Variants in PDIA5 observed in about 807,000 individuals in gnomAD.
The protein encoded by PDIA5 is protein disulfide-isomerase A5.
PDIA5 carries 58 observed loss-of-function variants against 77.6 expected under a neutral mutation model. The ratio of observed to expected loss-of-function variants is 0.75; its 90% confidence interval spans 0.61 to 0.93. The LOEUF is 0.93. Ranked by LOEUF, PDIA5 falls within the 40% of genes least tolerant of loss-of-function variation. The pLI is 0.00. For synonymous variants in PDIA5, 250 were observed against 252.1 expected (o/e 0.99, Z 0.08); for missense variants, 630 against 647.7 (o/e 0.97, Z 0.30).
intron 3 of PDIA5, among the ~76,000 whole-genome samples, chr3:123,098,053 A>G (rs1177632737): frequency 1.3e-5 from 2 of 151,872 alleles, no homozygotes; most frequent in African/African-American, 4.8e-5. Flanking sequence ...AGGGGTTTGG[A>G]GGTTTTTTTG....
intron 11 of PDIA5, among the ~76,000 whole-genome samples, chr3:123,135,559 T>C (rs187100369): frequency 6.6e-6 from 1 of 152,332 alleles, no homozygotes; most frequent in Admixed American, 6.5e-5. Flanking sequence ...CCGGGCTGTT[T>C]CTGGCAGCAG....
intron 1 of PDIA5, among the ~76,000 whole-genome samples, chr3:123,074,983 C>A (rs1406501766): frequency 6.6e-6 from 1 of 152,088 alleles, no homozygotes; most frequent in East Asian, 1.9e-4. Flanking sequence ...TTTTATGGGC[C>A]ATACTTTGTA....
intron 10 of PDIA5, among the ~76,000 whole-genome samples, chr3:123,126,751 C>A (rs1457660236): frequency 2.0e-5 from 3 of 152,204 alleles, no homozygotes; most frequent in Non-Finnish European, 4.4e-5. Context: ...GTGAAGCCAG[C>A]CTAGCTAATT....
chr3:123,069,407 A>C (rs1365990655), intron 1 of PDIA5, among the ~76,000 whole-genome samples: 1 of 152,224 alleles, frequency 6.6e-6, no homozygotes, highest in African/African-American at 2.4e-5. Flanking sequence ...GGCATGGTTA[A>C]ATAATATCTG....
At chr3:123,145,959 A>G in intron 12 of PDIA5, 140 bp from the exon 13 acceptor site, 1 of 707,504 alleles carries the variant, frequency 1.4e-6, no homozygotes. Context: ...TCCCTGGGAT[A>G]TGGGAGCCCA....
intron 11 of PDIA5, among the ~76,000 whole-genome samples, chr3:123,142,880 T>C (rs1935674821): frequency 6.6e-6 from 1 of 152,216 alleles, no homozygotes; most frequent in Admixed American, 6.5e-5. Flanking sequence ...CTCTGTCCTC[T>C]GTCTCTAACT....
chr3:123,093,204 G>A (rs141117876), intron 3 of PDIA5, among the ~76,000 whole-genome samples: 1 of 152,238 alleles, frequency 6.6e-6, no homozygotes, highest in African/African-American at 2.4e-5. Context: ...TTTTGACAAA[G>A]CACTGAGTGA....
chr3:123,147,828 G>T (rs1004542833), intron 13 of PDIA5, among the ~76,000 whole-genome samples: 1 of 152,184 alleles, frequency 6.6e-6, no homozygotes, highest in Non-Finnish European at 1.5e-5. Flanking sequence ...CTGGTGCCAG[G>T]GCTGGTTCAC....
chr3:123,086,838 T>G (rs1343269980), intron 1 of PDIA5, among the ~76,000 whole-genome samples: 2 of 152,184 alleles, frequency 1.3e-5, no homozygotes, highest in African/African-American at 4.8e-5. Context: ...TGGTGGTAAA[T>G]GTTATACATC....
At chr3:123,125,933 G>C (rs1306095359) in intron 10 of PDIA5, among the ~76,000 whole-genome samples, 2 of 152,100 alleles carry the variant, frequency 1.3e-5, no homozygotes, top group Non-Finnish European at 2.9e-5. Context: ...TAATAAGCGT[G>C]TCCTCTCCTC....
intron 1 of PDIA5, among the ~76,000 whole-genome samples, chr3:123,076,824 G>C (rs1933871110): frequency 6.6e-6 from 1 of 152,204 alleles, no homozygotes; most frequent in Admixed American, 6.5e-5. Flanking sequence ...CTTGGCTCAA[G>C]AAGAGGTTTT....
chr3:123,146,287 C>T, intron 13 of PDIA5, 28 bp downstream of exon 13: 1 of 1,601,114 alleles, frequency 6.2e-7, no homozygotes, highest in African/African-American at 1.3e-5. Flanking sequence ...AGTAGCACAT[C>T]CTAACTGCCA....
At chr3:123,105,844 C>A (rs1934715879) in intron 5 of PDIA5, among the ~76,000 whole-genome samples, 1 of 152,152 alleles carries the variant, frequency 6.6e-6, no homozygotes, top group Admixed American at 6.5e-5. Flanking sequence ...GGTCTGGTTC[C>A]TGATCCTGGC....
chr3:123,137,639 C>G (rs979955064), intron 11 of PDIA5, among the ~76,000 whole-genome samples: 17 of 152,126 alleles, frequency 1.1e-4, no homozygotes, highest in Non-Finnish European at 2.4e-4. Flanking sequence ...AATTTGATGT[C>G]ATGATTAATT....
chr3:123,098,739 T>C (rs1212605465), intron 3 of PDIA5, among the ~76,000 whole-genome samples: 1 of 152,138 alleles, frequency 6.6e-6, no homozygotes, highest in African/African-American at 2.4e-5. Flanking sequence ...GATGGCTGGT[T>C]CTTGCAGGAC....
chr3:123,099,892 G>A (rs1421730420), intron 3 of PDIA5, among the ~76,000 whole-genome samples: 1 of 152,254 alleles, frequency 6.6e-6, no homozygotes, highest in Non-Finnish European at 1.5e-5. Context: ...AGGAGCATGG[G>A]GTGGGGATTC....
At chr3:123,067,273 C>A in intron 1 of PDIA5, 67 bp downstream of exon 1, 1 of 1,182,816 alleles carries the variant, frequency 8.5e-7, no homozygotes, top group Non-Finnish European at 1.1e-6. Flanking sequence ...TCTGCGCTCT[C>A]TGCTCCAGCC....
intron 14 of PDIA5, among the ~76,000 whole-genome samples, chr3:123,150,994 C>G (rs937926813): frequency 3.9e-5 from 6 of 152,244 alleles, no homozygotes; most frequent in Non-Finnish European, 8.8e-5. Context: ...CTCTCTCCCC[C>G]AGGTTACAGC....
rs533386699 is a variant in PDIA5 at position 123,140,836 on chromosome 3, G to A, written c.911-4686G>A. 5.3e-5 allele frequency among the ~76,000 whole-genome samples: 8 copies of A among 152,334 alleles called. No individual in the cohort carries two copies. The East Asian group carries it at 1.5e-3, about 29-fold the overall frequency. On this transcript the variant is annotated intron_variant, in intron 11 of 16. Transcript: ENST00000316218. ...AGGCCAAAGCCCAGGAGACAGCCATGTGTGCGAGCTGCGGAAACTGGAGGT... is the reference window on the plus strand; with the variant it reads ...AGGCCAAAGCCCAGGAGACAGCCATATGTGCGAGCTGCGGAAACTGGAGGT...
Sources: allele counts gnomAD v4.1 joint callset (sites outside exome capture counted in the v4.1 genomes callset), GRCh38; gene constraint gnomAD v4.1.1; transcripts MANE v1.5; gene names NCBI Gene and HGNC (gene_info 2026-07-23, HGNC 2026-07-21).